The following MAGI3 variants were observed in gnomAD, a reference collection of about 807,000 sequenced individuals.
MAGI3 encodes membrane associated guanylate kinase, WW and PDZ domain containing 3.
Under a neutral mutation model 121.8 loss-of-function variants are expected in MAGI3, and 43 were observed. The ratio of observed to expected loss-of-function variants is 0.35; its 90% CI spans 0.28 to 0.46. The LOEUF (loss-of-function observed/expected upper bound fraction) is 0.46. Among genes scored for constraint, MAGI3 ranks in the 20% least tolerant of loss-of-function variants. The probability of loss-of-function intolerance (pLI) is 1.00; values close to 1 mark genes in which losing one functional copy is unlikely to be tolerated. For missense variants in MAGI3, 1,547 were observed against 1,797.3 expected (o/e 0.86, Z 2.52); for synonymous variants, 553 against 639.3 (o/e 0.86, Z 2.04).
chr1:113,673,348 G>A lies in MAGI3; in HGVS notation c.3072G>A (p.Leu1024=). ...NQNLGCYPVE[L]ERGPRGFGFS... ...ACCTTGGTTGTTATCCAGTAGAGCT[G>A]GAGAGAGGCCCCCGGGGCTTTGGAT... The change falls in exon 19 of 21, where the codon CTG becomes CTA. Residue 1024 remains leucine (L), a synonymous_variant. Coordinates refer to ENST00000307546, the MANE Select transcript of MAGI3 (RefSeq NM_001142782.2). 3 of 1,611,710 alleles carry A rather than the reference G, an allele frequency of 1.9e-6. No homozygotes were observed. Among genetic ancestry groups the A allele is most frequent in the Non-Finnish European group, 2.5e-6 (3 of 1,179,622 alleles).
At chr1:113,609,713 A>G (rs1650003502) in intron 6 of MAGI3, among the ~76,000 whole-genome samples, 1 of 152,226 alleles carries the variant, frequency 6.6e-6, no homozygotes, top group Admixed American at 6.5e-5. Flanking sequence ...TTTAAACAAG[A>G]AAAATCCTAT....
At chr1:113,624,641 T>A (rs190439132) in intron 9 of MAGI3, among the ~76,000 whole-genome samples, 1 of 152,356 alleles carries the variant, frequency 6.6e-6, no homozygotes, top group East Asian at 1.9e-4. Context: ...TTGCAAAGAT[T>A]TTCTCCCATT....
At chr1:113,483,929 T>C (rs944755290) in intron 1 of MAGI3, among the ~76,000 whole-genome samples, 4 of 152,066 alleles carry the variant, frequency 2.6e-5, no homozygotes, top group Non-Finnish European at 5.9e-5. Flanking sequence ...ATCTGTTTTC[T>C]TCCCTGACCC....
At chr1:113,543,736 C>T (rs374652292) in intron 1 of MAGI3, among the ~76,000 whole-genome samples, 69 of 151,980 alleles carry the variant, frequency 4.5e-4, no homozygotes, top group South Asian at 2.5e-3. Context: ...GGCCTGGTGG[C>T]GTGTGCCTGT....
intron 6 of MAGI3, among the ~76,000 whole-genome samples, chr1:113,606,660 A>G (rs542824992): frequency 6.6e-6 from 1 of 152,216 alleles, no homozygotes; most frequent in Non-Finnish European, 1.5e-5. Flanking sequence ...CTAATACTTC[A>G]AATAAGCTTA....
chr1:113,464,582 G>T lies in MAGI3; in HGVS notation c.316+73233G>T, dbSNP rs1570713656. On this transcript the variant is annotated intron_variant, in intron 1 of 20. Transcript: ENST00000307546. ...TCTTCAGGAACTTCTATACTATTCTGTGTAGTGATTGTATTTATTTACATT... is the reference window on the plus strand; with the variant it reads ...TCTTCAGGAACTTCTATACTATTCTTTGTAGTGATTGTATTTATTTACATT... Among the ~76,000 whole-genome samples the T allele has an allele frequency of 2.0e-5, 3 of 152,100 alleles. No individual in the cohort carries two copies. In the South Asian group the frequency reaches 6.2e-4, roughly 32 times the overall value.
At chr1:113,676,623 G>C (rs1647880828) in intron 19 of MAGI3, among the ~76,000 whole-genome samples, 1 of 152,072 alleles carries the variant, frequency 6.6e-6, no homozygotes, top group Non-Finnish European at 1.5e-5. Flanking sequence ...CAGCTCATGA[G>C]GGCTTTGCAT....
intron 1 of MAGI3, among the ~76,000 whole-genome samples, chr1:113,435,326 A>G (rs1288490570): frequency 6.6e-6 from 1 of 152,134 alleles, no homozygotes; most frequent in African/African-American, 2.4e-5. Context: ...AAATGGCTAC[A>G]TGAATTCTTG....
rs1660404185 is a variant in MAGI3, at chr1:113,565,491, G to T, written c.434-15051G>T. Among the ~76,000 whole-genome samples, 2 of 151,816 alleles carry T rather than the reference G, an allele frequency of 1.3e-5. 1 individual carries two copies. Among genetic ancestry groups the T allele is most frequent in the South Asian group, 4.2e-4 (2 of 4,814 alleles). On this transcript the variant is annotated intron_variant, in intron 2 of 20. Coordinates refer to ENST00000307546, the MANE Select transcript of MAGI3 (RefSeq NM_001142782.2). Reference sequence around the variant, plus strand: ...ACAACAGCATTCACTTTCTCTCTTTGCATTTTTTCTGTTAAATATTTACAA... The same window carrying T: ...ACAACAGCATTCACTTTCTCTCTTTTCATTTTTTCTGTTAAATATTTACAA...
At chr1:113,407,888 A>C (rs1343101341) in intron 1 of MAGI3, among the ~76,000 whole-genome samples, 2 of 152,206 alleles carry the variant, frequency 1.3e-5, no homozygotes, top group Non-Finnish European at 2.9e-5. Flanking sequence ...CAAAAGATGT[A>C]GTACTACAGT....
rs371872409 is a variant in MAGI3 at position 113,477,114 on chromosome 1, G to A, written c.317-72401G>A. 3.3e-5 allele frequency among the ~76,000 whole-genome samples: 5 copies of A among 151,160 alleles called. No homozygotes were observed. In the East Asian group the frequency reaches 9.7e-4, roughly 29 times the overall value. ...CTCCATCCCTTTATTTTGAGCCCGT[G>A]TGCATCTTTGCACATGAGATGAGTC... On this transcript the variant is annotated intron_variant, in intron 1 of 20. Transcript: ENST00000307546.
In MAGI3 at chr1:113,682,329, TTTC is replaced by T; in HGVS notation, c.3329-562_3329-560del. 6 of 1,574,270 alleles carry T rather than the reference TTTC, an allele frequency of 3.8e-6. No homozygotes were observed. In the South Asian group the frequency reaches 6.0e-5, roughly 16 times the overall value. The stretch of plus-strand genomic sequence containing the variant: ...TAAATTTGCATGTCTTGTAAATCAC[TTTC>T]TTCTTTTGTTTTCTTTTAAATTAAA... On this transcript the variant is annotated intron_variant, in intron 20 of 20. Transcript: ENST00000307546.
intron 1 of MAGI3, among the ~76,000 whole-genome samples, chr1:113,539,693 T>C (rs564768053): frequency 2.2e-4 from 33 of 152,294 alleles, no homozygotes; most frequent in African/African-American, 7.2e-4. Context: ...TTATGTTTAA[T>C]TTGGATTCAT....
At chr1:113,538,379 C>T (rs745871591) in intron 1 of MAGI3, among the ~76,000 whole-genome samples, 2 of 152,158 alleles carry the variant, frequency 1.3e-5, no homozygotes, top group African/African-American at 2.4e-5. Flanking sequence ...TGGTTTTGTA[C>T]GCTCCTGTCA....
At chr1:113,495,549 C>T (rs972564043) in intron 1 of MAGI3, among the ~76,000 whole-genome samples, 2 of 151,916 alleles carry the variant, frequency 1.3e-5, no homozygotes, top group Admixed American at 6.6e-5. Flanking sequence ...GTCCATTGTA[C>T]GAAGATACTG....
At chr1:113,405,474 C>CAAAAAAAAAAAAAAAAAAA (rs5777158) in intron 1 of MAGI3, among the ~76,000 whole-genome samples, 1 of 54,328 alleles carries the variant, frequency 1.8e-5, no homozygotes, top group Non-Finnish European at 3.1e-5. Flanking sequence ...GAAACTGTCT[C>CAAAAAAAAAAAAAAAAAAA]AAAAAAAAAA....
chr1:113,414,659 G>A (rs1045379957), intron 1 of MAGI3, among the ~76,000 whole-genome samples: 4 of 151,674 alleles, frequency 2.6e-5, no homozygotes, highest in African/African-American at 4.8e-5. Context: ...GTTTATTTGC[G>A]TACAGGTGTT....
Position 113,673,326 on chromosome 1 carries a change from T to C in MAGI3, c.3050T>C (p.Leu1017Pro), listed in dbSNP as rs1647675094. ...CTTATACTTCTTTCTCTCTAGAACCTTGGTTGTTATCCAGTAGAGCTGGAG... is the reference window on the plus strand; with the variant it reads ...CTTATACTTCTTTCTCTCTAGAACCCTGGTTGTTATCCAGTAGAGCTGGAG... ...SVVGSRHNQN[L>P]GCYPVELERG... The change falls in exon 19 of 21, where the codon CTT becomes CCT. Residue 1017 changes from leucine to proline, a missense_variant. Coordinates refer to ENST00000307546, the MANE Select transcript of MAGI3 (RefSeq NM_001142782.2). 1 of 1,609,566 alleles carries C rather than the reference T, an allele frequency of 6.2e-7. No individual in the cohort carries two copies.
intron 1 of MAGI3, among the ~76,000 whole-genome samples, chr1:113,416,284 TATTAATTATGTAATTAATTATGTA>T (rs74916748): frequency 3.6e-5 from 1 of 27,864 alleles, no homozygotes; most frequent in Non-Finnish European, 5.6e-5. Flanking sequence ...TAATTACACA[TATTAATTATGTAATTAATTATGTA>T]ATTAATTATG....
Sources: gnomAD v4.1 joint callset for allele counts (sites outside exome capture counted in the v4.1 genomes callset) on GRCh38, gnomAD v4.1.1 for gene constraint, MANE v1.5 for transcripts, NCBI Gene and HGNC (gene_info 2026-07-23, HGNC 2026-07-21) for gene names.